SYNPR: variants seen among roughly 807,000 people sequenced by gnomAD.
SYNPR encodes synaptoporin.
Under a neutral mutation model 32.9 loss-of-function variants are expected in SYNPR, and 23 were observed. That is an observed-to-expected ratio of 0.70 (90% CI 0.50 to 0.99). SYNPR has a LOEUF of 0.99. Ranked by LOEUF, SYNPR falls within the 50% of genes least tolerant of loss-of-function variation. The pLI is 0.00. For missense variants in SYNPR, 318 were observed against 349.3 expected (o/e 0.91, Z 0.71); for synonymous variants, 146 against 135.9 (o/e 1.07, Z -0.52).
chr3:63,591,283 C>T (rs1178324596), intron 4 of SYNPR, among the ~76,000 whole-genome samples: 11 of 123,792 alleles, frequency 8.9e-5, no homozygotes, highest in African/African-American at 2.3e-4. Flanking sequence ...GTTAGAATGG[C>T]GATCATTAAA....
In SYNPR at chr3:63,587,763, G is replaced by A. The variant is rs925885241; in HGVS notation, c.409-21362G>A. Among the ~76,000 whole-genome samples, 9 of 152,084 alleles carry A rather than the reference G, an allele frequency of 5.9e-5. No homozygotes were observed. In the East Asian group the frequency reaches 1.7e-3, roughly 29 times the overall value. ...TCCTTGAGGTAATTTAGGTATCCTTGAGGTAATTGTTGGATTACCTCGGAG... is the reference window on the plus strand; with the variant it reads ...TCCTTGAGGTAATTTAGGTATCCTTAAGGTAATTGTTGGATTACCTCGGAG... On this transcript the variant is annotated intron_variant, in intron 4 of 5. Transcript: ENST00000478300.
intron 1 of SYNPR, among the ~76,000 whole-genome samples, chr3:63,239,985 C>T (rs1274581116): frequency 6.6e-6 from 1 of 152,120 alleles, no homozygotes; most frequent in African/African-American, 2.4e-5. Context: ...GATAATCTTA[C>T]TTATCTCTTC....
upstream of SYNPR, among the ~76,000 whole-genome samples, chr3:63,227,434 A>G (rs1426605312): frequency 1.3e-5 from 2 of 152,226 alleles, no homozygotes; most frequent in Non-Finnish European, 2.9e-5. Context: ...TCAGAGAGAG[A>G]GTATATTACA....
intron 3 of SYNPR, among the ~76,000 whole-genome samples, chr3:63,541,229 CTTT>C: frequency 7.1e-6 from 1 of 140,062 alleles, no homozygotes; most frequent in African/African-American, 2.6e-5. Context: ...ACTGCCAATT[CTTT>C]TTTTTTTTTT....
chr3:63,438,537 T>C (rs1700121426), intron 2 of SYNPR, among the ~76,000 whole-genome samples: 2 of 152,200 alleles, frequency 1.3e-5, no homozygotes, highest in South Asian at 4.1e-4. Context: ...AATGATCTAA[T>C]AAATCTTCAA....
At chr3:63,487,022 C>T (rs1002329384) in intron 3 of SYNPR, among the ~76,000 whole-genome samples, 1 of 152,142 alleles carries the variant, frequency 6.6e-6, no homozygotes, top group African/African-American at 2.4e-5. Flanking sequence ...CAAATATATT[C>T]TCCAAATTTG....
chr3:63,228,302 T>G (rs2106871140), upstream of SYNPR: 1 of 152,306 alleles, frequency 6.6e-6, no homozygotes, highest in Non-Finnish European at 1.5e-5. Flanking sequence ...TAGTATCAAT[T>G]GGATCAGTCC....
rs1286249962 is a variant in SYNPR, at chr3:63,615,532, G to A, written c.*51G>A. The A allele has an allele frequency of 1.3e-6, 2 of 1,570,132 alleles. No individual in the cohort carries two copies. Among genetic ancestry groups the A allele is most frequent in the African/African-American group, 2.7e-5 (2 of 72,962 alleles). ...AGTCGCCTCACCATCTTCCATTTCAGTGGCAGAAGAATTTTTTAAGGGTTT... is the reference window on the plus strand; with the variant it reads ...AGTCGCCTCACCATCTTCCATTTCAATGGCAGAAGAATTTTTTAAGGGTTT... On this transcript the variant is annotated 3_prime_UTR_variant, in exon 6 of 6. Transcript: ENST00000478300.
At chr3:63,288,503 A>G (rs1458380300) in intron 2 of SYNPR, among the ~76,000 whole-genome samples, 1 of 152,192 alleles carries the variant, frequency 6.6e-6, no homozygotes, top group Non-Finnish European at 1.5e-5. Context: ...CACTGATAAT[A>G]TTATCCAAAG....
At chr3:63,253,681 G>C (rs1297249246) in intron 2 of SYNPR, among the ~76,000 whole-genome samples, 1 of 152,182 alleles carries the variant, frequency 6.6e-6, no homozygotes, top group African/African-American at 2.4e-5. Flanking sequence ...GTGCTGGAGA[G>C]GATGTGGAGA....
chr3:63,329,195 T>G (rs2087198450), intron 2 of SYNPR, among the ~76,000 whole-genome samples: 1 of 152,212 alleles, frequency 6.6e-6, no homozygotes, highest in Non-Finnish European at 1.5e-5. Context: ...ATAATATTTA[T>G]GTTTAATACA....
chr3:63,532,581 G>C (rs1702131652), intron 3 of SYNPR, among the ~76,000 whole-genome samples: 1 of 152,188 alleles, frequency 6.6e-6, no homozygotes, highest in South Asian at 2.1e-4. Flanking sequence ...TGTCCTTGCT[G>C]TTGTCTCCTT....
rs1575714102 is a variant in SYNPR at position 63,565,257 on chromosome 3, C to T, written c.408+8516C>T. 1.3e-5 allele frequency among the ~76,000 whole-genome samples: 2 copies of T among 152,138 alleles called. 1 individual carries two copies. The highest frequency in any genetic ancestry group is 4.1e-4 in the South Asian group (2 of 4,832). On this transcript the variant is annotated intron_variant, in intron 4 of 5. Transcript: ENST00000478300. ...TTTTGCCCCTGACTCAACCCCCTGC[C>T]GCTGTCTTAAGTTTGTCTTGCTACA...
intron 2 of SYNPR, among the ~76,000 whole-genome samples, chr3:63,259,250 C>G (rs1008677815): frequency 3.3e-5 from 5 of 152,182 alleles, no homozygotes; most frequent in African/African-American, 1.2e-4. Flanking sequence ...GATACCAAAG[C>G]ATGGCAGAGA....
intron 2 of SYNPR, among the ~76,000 whole-genome samples, chr3:63,309,153 C>T: frequency 6.6e-6 from 1 of 152,038 alleles, no homozygotes; most frequent in East Asian, 1.9e-4. Context: ...CTATTTTCAA[C>T]TTCAGAAATT....
At chr3:63,222,094 G>A in the SYNPR span, among the ~76,000 whole-genome samples, 2 of 137,836 alleles carry the variant, frequency 1.5e-5, no homozygotes, top group Admixed American at 1.7e-4. Context: ...GGCAAGTGAT[G>A]TGTCAGGTCC....
intron 3 of SYNPR, among the ~76,000 whole-genome samples, chr3:63,548,847 C>T (rs1479334392): frequency 6.6e-6 from 1 of 152,146 alleles, no homozygotes; most frequent in African/African-American, 2.4e-5. Flanking sequence ...CATGTCATTT[C>T]TGTCTTGCAC....
chr3:63,485,536 T>C lies in SYNPR; in HGVS notation c.209+4580T>C, dbSNP rs1160236119. ...ACATTTCAGTTGGAGAGAAAGTGTGTCGAGCTGTGGGGGAATGGAAAATAG... is the reference window on the plus strand; with the variant it reads ...ACATTTCAGTTGGAGAGAAAGTGTGCCGAGCTGTGGGGGAATGGAAAATAG... On this transcript the variant is annotated intron_variant, in intron 3 of 5. Coordinates refer to ENST00000478300, the MANE Select transcript of SYNPR (RefSeq NM_001130003.2). Among the ~76,000 whole-genome samples the C allele has an allele frequency of 2.6e-5, 4 of 152,126 alleles. No homozygotes were observed. In the East Asian group the frequency reaches 7.7e-4, roughly 29 times the overall value.
chr3:63,425,780 CTT>C (rs556889581), intron 2 of SYNPR, among the ~76,000 whole-genome samples: 25 of 136,772 alleles, frequency 1.8e-4, no homozygotes, highest in African/African-American at 4.3e-4. Context: ...TGGAAATAGA[CTT>C]TTTTTTTTTT....
Sources: allele counts gnomAD v4.1 joint callset (sites outside exome capture counted in the v4.1 genomes callset), GRCh38; gene constraint gnomAD v4.1.1; transcripts MANE v1.5; gene names NCBI Gene and HGNC (gene_info 2026-07-23, HGNC 2026-07-21).